Variants in CSMD1 observed in about 807,000 individuals in gnomAD.
CSMD1 encodes CUB and sushi domain-containing protein 1.
CSMD1 carries 213 observed loss-of-function variants against 417.5 expected under a neutral mutation model. The observed-to-expected ratio is 0.51, with a 90% CI of 0.46 to 0.57. The LOEUF (loss-of-function observed/expected upper bound fraction) is 0.57. Ranked by LOEUF, CSMD1 falls within the 20% of genes least tolerant of loss-of-function variation. CSMD1 has a pLI of 0.00. For synonymous variants in CSMD1, 2,862 were observed against 1,736.8 expected, an observed-to-expected ratio of 1.65 and a Z score of -16.11; for missense variants, 6,923 against 4,529.7, an observed-to-expected ratio of 1.53 and a Z score of -15.17.
rs111754361 is a variant in CSMD1 at position 4,657,454 on chromosome 8, A to G, written c.86-19896T>C. The stretch of plus-strand genomic sequence containing the variant: ...TCTTTCTCACTCACGCACTCTTGGC[A>G]TTCATGGAAATCTCTGTCAAAACGC... On this transcript the variant is annotated intron_variant, in intron 1 of 69. Coordinates refer to ENST00000635120, the MANE Select transcript of CSMD1 (RefSeq NM_033225.6). Among the ~76,000 whole-genome samples, 729 of 152,144 alleles carry G rather than the reference A, an allele frequency of 4.8e-3. 5 individuals carry two copies. The highest frequency in any genetic ancestry group is 0.017 in the African/African-American group (692 of 41,492).
chr8:3,060,155 T>C (rs1812498038), intron 49 of CSMD1, among the ~76,000 whole-genome samples: 1 of 151,584 alleles, frequency 6.6e-6, no homozygotes. Context: ...TAACAACTTT[T>C]TTTTTTTTTT....
chr8:3,709,120 C>G (rs934308432), intron 6 of CSMD1, among the ~76,000 whole-genome samples: 1 of 150,942 alleles, frequency 6.6e-6, no homozygotes, highest in African/African-American at 2.4e-5. Context: ...TCTTGATGTA[C>G]TACGGCCTGC....
chr8:4,404,650 C>G (rs1804884883), intron 3 of CSMD1, among the ~76,000 whole-genome samples: 1 of 151,758 alleles, frequency 6.6e-6, no homozygotes, highest in Admixed American at 6.6e-5. Flanking sequence ...TATATTAAAT[C>G]CATTAATATT....
chr8:3,843,705 C>G (rs1045086421), intron 5 of CSMD1, among the ~76,000 whole-genome samples: 1 of 152,112 alleles, frequency 6.6e-6, no homozygotes, highest in Admixed American at 6.6e-5. Flanking sequence ...GGAACACAGA[C>G]CTAGTTTGAG....
At chr8:3,855,855 T>C (rs1185052627) in intron 5 of CSMD1, among the ~76,000 whole-genome samples, 1 of 152,212 alleles carries the variant, frequency 6.6e-6, no homozygotes, top group African/African-American at 2.4e-5. Flanking sequence ...CAACTGCATT[T>C]ATTATGACAC....
chr8:4,166,869 A>C (rs923176590), intron 3 of CSMD1, among the ~76,000 whole-genome samples: 3 of 152,238 alleles, frequency 2.0e-5, no homozygotes, highest in Non-Finnish European at 2.9e-5. Context: ...AACAACAAAT[A>C]ATATTTAAAA....
chr8:4,391,154 G>C (rs555746772), intron 3 of CSMD1, among the ~76,000 whole-genome samples: 3 of 152,136 alleles, frequency 2.0e-5, no homozygotes, highest in Non-Finnish European at 4.4e-5. Context: ...CTGTGCTCAG[G>C]CAAGTATGGC....
chr8:3,951,709 C>G (rs574609370), intron 5 of CSMD1, among the ~76,000 whole-genome samples: 1 of 152,084 alleles, frequency 6.6e-6, no homozygotes, highest in African/African-American at 2.4e-5. Context: ...TAAAATGAGA[C>G]TTCATGGGTA....
chr8:3,895,944 G>C (rs573402237), intron 5 of CSMD1, among the ~76,000 whole-genome samples: 2 of 152,134 alleles, frequency 1.3e-5, no homozygotes, highest in Non-Finnish European at 2.9e-5. Context: ...AGGCACTTTA[G>C]GTCCCACTTG....
chr8:3,148,431 T>A (rs1421054381), intron 40 of CSMD1, among the ~76,000 whole-genome samples: 1 of 152,086 alleles, frequency 6.6e-6, no homozygotes, highest in African/African-American at 2.4e-5. Context: ...GGGTATAAAT[T>A]AGGAATTGAA....
intron 5 of CSMD1, among the ~76,000 whole-genome samples, chr8:3,886,298 C>T (rs1367640889): frequency 6.6e-6 from 1 of 152,178 alleles, no homozygotes; most frequent in Admixed American, 6.5e-5. Context: ...ATCCGACTGC[C>T]TCAGCCTCTC....
chr8:3,368,424 C>G (rs1809741357), intron 19 of CSMD1, among the ~76,000 whole-genome samples: 1 of 152,164 alleles, frequency 6.6e-6, no homozygotes, highest in Admixed American at 6.5e-5. Flanking sequence ...GCAACTTCCG[C>G]CTCCTGGGTT....
intron 3 of CSMD1, among the ~76,000 whole-genome samples, chr8:4,292,547 G>T (rs1478042220): frequency 6.6e-6 from 1 of 152,080 alleles, no homozygotes; most frequent in Non-Finnish European, 1.5e-5. Context: ...GTGAGCCACC[G>T]TGCCCGCCCG....
intron 49 of CSMD1, among the ~76,000 whole-genome samples, chr8:3,075,973 C>T (rs559163965): frequency 6.6e-6 from 1 of 151,550 alleles, no homozygotes; most frequent in Non-Finnish European, 1.5e-5. Context: ...ATGGCATGAA[C>T]CTGGGAGGCG....
chr8:4,120,691 C>G (rs115070792), intron 3 of CSMD1, among the ~76,000 whole-genome samples: 1 of 152,176 alleles, frequency 6.6e-6, no homozygotes, highest in Non-Finnish European at 1.5e-5. Flanking sequence ...AGTTTAGATG[C>G]CAAATACATA....
rs529105489 is a variant in CSMD1, at chr8:3,302,754, C to G, written c.3950+4941G>C. 3.9e-5 allele frequency among the ~76,000 whole-genome samples: 6 copies of G among 152,326 alleles called. No homozygotes were observed. In the South Asian group the frequency reaches 1.0e-3, roughly 26 times the overall value. Reference sequence around the variant, plus strand: ...ATATAGTGATGTAGGAACTGAAGAGCTCAGAATTTGTCCTTCATGCACTTT... The same window carrying G: ...ATATAGTGATGTAGGAACTGAAGAGGTCAGAATTTGTCCTTCATGCACTTT... On this transcript the variant is annotated intron_variant, in intron 25 of 69. Coordinates refer to ENST00000635120, the MANE Select transcript of CSMD1 (RefSeq NM_033225.6).
chr8:4,297,984 G>C (rs181876087), intron 3 of CSMD1, among the ~76,000 whole-genome samples: 9 of 152,178 alleles, frequency 5.9e-5, no homozygotes, highest in African/African-American at 2.2e-4. Flanking sequence ...ATGGTGAAGA[G>C]GTGCTAAAAT....
chr8:3,292,820 A>G (rs999038553), intron 25 of CSMD1, among the ~76,000 whole-genome samples: 1 of 151,814 alleles, frequency 6.6e-6, no homozygotes, highest in South Asian at 2.1e-4. Flanking sequence ...CATTTAGCCC[A>G]TTTACATTTA....
Position 3,096,947 on chromosome 8 carries a change from C to T in CSMD1, c.7040G>A (p.Cys2347Tyr), listed in dbSNP as rs1420211899. Residue 2347 changes from cysteine (C) to tyrosine (Y), a missense_variant, in exon 47 of 70, where the codon TGC becomes TAC. Physicochemically the swap from Cys to Tyr is radical, Grantham distance 194 (BLOSUM62 -2). Transcript: ENST00000635120. ...YPGNYFNSQT[C>Y]SWSIKVEPNY... ...TGGTTCCACTTTAATACTCCAAGAG[C>T]AAGTCTGGGAGTTAAAATAATTACC... 6.4e-7 allele frequency: 1 copy of T among 1,554,678 alleles called. No individual in the cohort carries two copies. Among genetic ancestry groups the T allele is most frequent in the Non-Finnish European group, 8.7e-7 (1 of 1,147,694 alleles).
Sources: gnomAD v4.1 joint callset for allele counts (sites outside exome capture counted in the v4.1 genomes callset) on GRCh38, gnomAD v4.1.1 for gene constraint, MANE v1.5 for transcripts, NCBI Gene and HGNC (gene_info 2026-07-23, HGNC 2026-07-21) for gene names.